Variants in SALL2 observed in about 807,000 individuals in gnomAD.
SALL2 encodes spalt like transcription factor 2.
In SALL2, 32 loss-of-function variants were observed where a neutral mutation model predicts 58.5. The ratio of observed to expected loss-of-function variants is 0.55; its 90% CI spans 0.41 to 0.74. The LOEUF (loss-of-function observed/expected upper bound fraction) is 0.74. Among genes scored for constraint, SALL2 ranks in the 30% least tolerant of loss-of-function variants. The pLI, the probability that SALL2 is intolerant of heterozygous loss-of-function variation, is 0.00. For missense variants in SALL2, 1,201 were observed against 1,268.9 expected, an observed-to-expected ratio of 0.95 and a Z score of 0.81; for synonymous variants, 516 against 513.6, an observed-to-expected ratio of 1.00 and a Z score of -0.06.
chr14:21,522,816 G>A lies in SALL2; in HGVS notation c.2906C>T (p.Pro969Leu), dbSNP rs756379981. 48 of 1,608,036 alleles carry A rather than the reference G, an allele frequency of 3.0e-5. No homozygotes were observed. The highest frequency in any genetic ancestry group is 3.3e-4 in the Middle Eastern group (2 of 6,042). ...AGCAGCAATATTCTGAGGGCCATGGGGGGCAAAGGGCTGTACCTGGTGGTG... is the reference window on the plus strand; with the variant it reads ...AGCAGCAATATTCTGAGGGCCATGGAGGGCAAAGGGCTGTACCTGGTGGTG... ...LAHHQVQPFA[P>L]HGPQNIAALS... is the part of the protein sequence containing the mutation. Residue 969 changes from proline to leucine, a missense_variant, in exon 2 of 2, where the codon CCC becomes CTC. Transcript: ENST00000537235.
Position 21,522,652 on chromosome 14 carries a change from G to A in SALL2, c.*52C>T, listed in dbSNP as rs1892083005. The A allele has an allele frequency of 1.3e-6, 2 of 1,498,396 alleles. No homozygotes were observed. Among genetic ancestry groups the A allele is most frequent in the Non-Finnish European group, 1.8e-6 (2 of 1,125,082 alleles). The allele number at this position is 1,498,396 out of a possible 1,614,324, so 92.8% of individuals were successfully genotyped here. ...TCATAACTCTGGGAGGTCCTTTTGT[G>A]AAGCTGTTTCTGCTCTGTGGGACAA... On this transcript the variant is annotated 3_prime_UTR_variant, in exon 2 of 2. Coordinates refer to ENST00000537235, the MANE Select transcript of SALL2 (RefSeq NM_001364564.1).
rs752807575 is a variant in SALL2, at chr14:21,523,248, C to T, written c.2474G>A (p.Ser825Asn). The T allele has an allele frequency of 1.2e-6, 2 of 1,613,882 alleles. No individual in the cohort carries two copies. Among genetic ancestry groups the T allele is most frequent in the South Asian group, 1.1e-5 (1 of 91,084 alleles). The change falls in exon 2 of 2, where the codon AGT (serine) becomes AAT (asparagine). Residue 825 changes from serine to asparagine, a missense_variant. Ser to Asn is a conservative substitution (Grantham distance 46, BLOSUM62 1). Around this residue, in one of 3 missense-constraint regions of SALL2, gnomAD observed 675 missense variants for 683.8 expected, o/e 0.99. Coordinates refer to ENST00000537235, the MANE Select transcript of SALL2 (RefSeq NM_001364564.1). This position sits in a 1 kb window ranked among gnomAD's most constrained non-coding sequence, Gnocchi z 4.4. Reference protein sequence around the residue: ...AAATAGKEMDSNEKTTQQSSL... With the variant: ...AAATAGKEMDNNEKTTQQSSL... The stretch of plus-strand genomic sequence containing the variant: ...AGACTGTTGAGTAGTTTTCTCATTA[C>T]TGTCCATCTCCTTCCCAGCTGTGGC...
In SALL2 at chr14:21,523,308, C is replaced by T. The variant is rs776973814; in HGVS notation, c.2414G>A (p.Gly805Glu). 10 of 1,613,730 alleles carry T rather than the reference C, an allele frequency of 6.2e-6. No homozygotes were observed. The highest frequency in any genetic ancestry group is 8.5e-6 in the Non-Finnish European group (10 of 1,180,026). ...SVRGDSEEAS[G>E]AEEEVGTVAA... Reference sequence around the variant, plus strand: ...CACTGTCCCCACCTCCTCCTCTGCCCCAGATGCCTCTTCTGAATCACCTCT... The same window carrying T: ...CACTGTCCCCACCTCCTCCTCTGCCTCAGATGCCTCTTCTGAATCACCTCT... The change falls in exon 2 of 2, where the codon GGG (glycine) becomes GAG (glutamate). Residue 805 changes from glycine to glutamate, a missense_variant. By Grantham distance (98) the Gly-to-Glu change is moderately conservative. Coordinates refer to ENST00000537235, the MANE Select transcript of SALL2 (RefSeq NM_001364564.1). The surrounding 1 kb of genome is among the most constrained non-coding windows in gnomAD (Gnocchi z 4.4).
chr14:21,522,137 T>C lies in SALL2; in HGVS notation c.*567A>G, dbSNP rs747327232. ...GAGGCACCTTCCCAGCCACAGTTCC[T>C]AGGCCAAACAGCACTGGTGGGGCCA... is the stretch of plus-strand genomic sequence containing the variant. On this transcript the variant is annotated 3_prime_UTR_variant, in exon 2 of 2. Transcript: ENST00000537235. The C allele has an allele frequency of 2.5e-6, 4 of 1,598,048 alleles. No individual in the cohort carries two copies. The highest frequency in any genetic ancestry group is 3.4e-6 in the Non-Finnish European group (4 of 1,179,692).
Position 21,537,080 on chromosome 14 carries a change from ACTCT to A in SALL2, c.-236_-233del, listed in dbSNP as rs897822141. Reference sequence around the variant, plus strand: ...ATGTTCTTCTTTCCCAGAGACACAGACTCTCTCTCTCTCTCTGATTCTCTGTTCT... The same window carrying A: ...ATGTTCTTCTTTCCCAGAGACACAGACTCTCTCTCTCTGATTCTCTGTTCT... On this transcript the variant is annotated 5_prime_UTR_variant, in exon 1 of 2. Coordinates refer to the SALL2 transcript ENST00000541965. 1.9e-4 allele frequency: 114 copies of A among 602,192 alleles called. 1 individual carries two copies. Among genetic ancestry groups the A allele is most frequent in the South Asian group, 1.3e-3 (66 of 49,632 alleles). 37.3% of individuals were successfully genotyped at this position (602,192 alleles called of 1,614,324 possible). A position where few individuals can be genotyped will look rare whatever the true frequency, so the allele number is the denominator to read the frequency against.
At chr14:21,534,632 A>G (rs1399126792) in intron 1 of SALL2, among the ~76,000 whole-genome samples, 3 of 152,108 alleles carry the variant, frequency 2.0e-5, no homozygotes, top group Admixed American at 2.0e-4. Flanking sequence ...AGAAGAGGAG[A>G]GAATGCTTCT....
chr14:21,526,001 C>CGGGGGGGGGGGGGGGGGG, intron 1 of SALL2, 60 bp downstream of exon 1: 1 of 1,389,790 alleles, frequency 7.2e-7, no homozygotes, highest in Non-Finnish European at 9.9e-7. Flanking sequence ...AAAGTCTTCG[C>CGGGGGGGGGGGGGGGGGG]CGCCCCTGCG....
At position 21,523,704 on chromosome 14, in the gene SALL2, C is replaced by T. The variant is rs781499652; in HGVS notation, c.2018G>A (p.Arg673His). ...GGCCTTGTGGCCCACGAAATGTGCA[C>T]GCAGATTACCCCTGGTGGAGAAGGC... Reference protein sequence around the residue: ...GRAFSTRGNLRAHFVGHKASP... With the variant: ...GRAFSTRGNLHAHFVGHKASP... Residue 673 changes from arginine to histidine, a missense_variant, in exon 2 of 2, where the codon CGT (arginine) becomes CAT (histidine). Arg to His is a conservative substitution (Grantham distance 29). Around this residue, in one of 3 missense-constraint regions of SALL2, gnomAD observed 675 missense variants for 683.8 expected, o/e 0.99. Coordinates refer to ENST00000537235, the MANE Select transcript of SALL2 (RefSeq NM_001364564.1). This position sits in a 1 kb window ranked among gnomAD's most constrained non-coding sequence, Gnocchi z 4.4. 39 of 1,614,070 alleles carry T rather than the reference C, an allele frequency of 2.4e-5. No homozygotes were observed. The highest frequency in any genetic ancestry group is 2.2e-5 in the South Asian group (2 of 91,086).
In SALL2 at chr14:21,525,071, G is replaced by T. The variant is rs750571283; in HGVS notation, c.651C>A (p.Ala217=). 1.9e-6 allele frequency: 3 copies of T among 1,614,074 alleles called. No homozygotes were observed. Among genetic ancestry groups the T allele is most frequent in the Admixed American group, 1.7e-5 (1 of 60,006 alleles). Residue 217 remains alanine, a synonymous_variant, in exon 2 of 2, where the codon GCC becomes GCA. Coordinates refer to ENST00000537235, the MANE Select transcript of SALL2 (RefSeq NM_001364564.1). This position sits in a 1 kb window ranked among gnomAD's most constrained non-coding sequence, Gnocchi z 4.4. ...LLGSLGQTVG[A]PASPSELPGT... ...CAGGTAGCTCTGAGGGACTGGCAGG[G>T]GCACCCACCGTCTGGCCTAAGGAGC...
chr14:21,532,870 G>A (rs1892501964), intron 1 of SALL2, among the ~76,000 whole-genome samples: 1 of 151,844 alleles, frequency 6.6e-6, no homozygotes, highest in South Asian at 2.1e-4. Flanking sequence ...GGCTGAGGCA[G>A]GAGAATGGTG....
Position 21,526,211 on chromosome 14 carries a change from G to C in SALL2, c.-84C>G. 6.6e-7 allele frequency: 1 copy of C among 1,518,986 alleles called. No individual in the cohort carries two copies. Among genetic ancestry groups the C allele is most frequent in the Non-Finnish European group, 8.8e-7 (1 of 1,136,736 alleles). 94.1% of individuals were successfully genotyped at this position (1,518,986 alleles called of 1,614,324 possible). ...GGAGGCGATGGCCGCTGGGTCTGCG[G>C]CAGCCTCTGCACCCAGCGGCCCAGA... On this transcript the variant is annotated 5_prime_UTR_variant, in exon 1 of 2. Coordinates refer to ENST00000537235, the MANE Select transcript of SALL2 (RefSeq NM_001364564.1).
At position 21,524,123 on chromosome 14, in the gene SALL2, G is replaced by T. The variant is rs1457158641; in HGVS notation, c.1599C>A (p.Ala533=). ...ENTPPGSEGS[A]ISGVAESSTA... is the part of the protein sequence containing the mutation. ...TGCTACTTTCTGCCACTCCACTGAT[G>T]GCTGAGCCCTCACTCCCTGGGGGGG... Residue 533 remains alanine, a synonymous_variant, in exon 2 of 2, where the codon GCC becomes GCA. Transcript: ENST00000537235. 1 of 1,613,506 alleles carries T rather than the reference G, an allele frequency of 6.2e-7. No homozygotes were observed.
chr14:21,536,823 G>A (rs1205440590), intron 1 of SALL2: 1 of 1,609,612 alleles, frequency 6.2e-7, no homozygotes, highest in South Asian at 1.1e-5. Flanking sequence ...GGACTTAGGG[G>A]CCCCCACCCC....
chr14:21,524,221 G>A lies in SALL2; in HGVS notation c.1501C>T (p.Pro501Ser). The A allele has an allele frequency of 6.2e-7, 1 of 1,612,622 alleles. No homozygotes were observed. Among genetic ancestry groups the A allele is most frequent in the Non-Finnish European group, 8.5e-7 (1 of 1,179,246 alleles). ...LSTSAGTATAPGLPAFNKFVL... is the reference protein window; with the variant it reads ...LSTSAGTATASGLPAFNKFVL... ...AACTTATTGAAAGCAGGGAGTCCTGGAGCCGTGGCTGTGCCTGCACTGGTG... is the reference window on the plus strand; with the variant it reads ...AACTTATTGAAAGCAGGGAGTCCTGAAGCCGTGGCTGTGCCTGCACTGGTG... The change falls in exon 2 of 2, where the codon CCA becomes TCA. Residue 501 changes from proline to serine, a missense_variant. Physicochemically the swap from Pro to Ser is moderately conservative, Grantham distance 74. Transcript: ENST00000537235.
At position 21,522,002 on chromosome 14, in the gene SALL2, A is replaced by G; in HGVS notation, c.*702T>C. On this transcript the variant is annotated 3_prime_UTR_variant, in exon 2 of 2. Coordinates refer to ENST00000537235, the MANE Select transcript of SALL2 (RefSeq NM_001364564.1). ...GCAGGGGGAGGAAGAAGGAATGTAC[A>G]GTTTGCTACTTCTTGTCTATGATGG... is the stretch of plus-strand genomic sequence containing the variant. 2 of 1,573,826 alleles carry G rather than the reference A, an allele frequency of 1.3e-6. No homozygotes were observed. The highest frequency in any genetic ancestry group is 1.7e-6 in the Non-Finnish European group (2 of 1,166,496).
Position 21,524,948 on chromosome 14 carries a change from G to A in SALL2, c.774C>T (p.Ser258=). ...TSKTLASSSS[S]SSSSSGAETP... ...TTTCTGCCCCTGAAGAGGAAGAGGA[G>A]GAGGAGGAGGAAGATGCCAGTGTCT... The change falls in exon 2 of 2, where the codon TCC becomes TCT. Residue 258 remains serine, a synonymous_variant. Coordinates refer to ENST00000537235, the MANE Select transcript of SALL2 (RefSeq NM_001364564.1). 1 of 1,614,138 alleles carries A rather than the reference G, an allele frequency of 6.2e-7. No homozygotes were observed. The highest frequency in any genetic ancestry group is 8.5e-7 in the Non-Finnish European group (1 of 1,179,980).
At chr14:21,532,862 C>T (rs990749781) in intron 1 of SALL2, among the ~76,000 whole-genome samples, 1 of 151,780 alleles carries the variant, frequency 6.6e-6, no homozygotes, top group African/African-American at 2.4e-5. Context: ...ACTTGGGAGG[C>T]TGAGGCAGGA....
At chr14:21,531,828 C>G (rs905072335) in intron 1 of SALL2, among the ~76,000 whole-genome samples, 8 of 151,752 alleles carry the variant, frequency 5.3e-5, no homozygotes, top group Non-Finnish European at 1.0e-4. Context: ...CTCCTGGGTT[C>G]AAACGATTTT....
rs761075684 is a variant in SALL2 at position 21,523,459 on chromosome 14, A to G, written c.2263T>C (p.Ser755Pro). The part of the protein sequence containing the change: ...SFPQQQSQQP[S>P]PEEELSEEEE... ...TCCTCAGACAACTCCTCTTCCGGTG[A>G]TGGCTGCTGGGACTGCTGCTGGGGG... Residue 755 changes from serine (S) to proline (P), a missense_variant, in exon 2 of 2, where the codon TCA becomes CCA. By Grantham distance (74) the Ser-to-Pro change is moderately conservative (BLOSUM62 -1). This residue lies in a region of SALL2 where 675 missense variants were observed against 683.8 expected (regional missense o/e 0.99). Transcript: ENST00000537235. This position sits in a 1 kb window ranked among gnomAD's most constrained non-coding sequence, Gnocchi z 4.4. The G allele has an allele frequency of 1.2e-6, 2 of 1,613,858 alleles. No individual in the cohort carries two copies. Among genetic ancestry groups the G allele is most frequent in the Non-Finnish European group, 1.7e-6 (2 of 1,180,020 alleles).
Sources: allele counts gnomAD v4.1 joint callset (sites outside exome capture counted in the v4.1 genomes callset), GRCh38; gene constraint gnomAD v4.1.1; regional missense constraint gnomAD v4.1.1; non-coding constraint Gnocchi (gnomAD v3.1); transcripts MANE v1.5; gene names NCBI Gene and HGNC (gene_info 2026-07-23, HGNC 2026-07-21).